Variants in PAK4 observed in about 807,000 individuals in gnomAD.
PAK4 encodes serine/threonine-protein kinase PAK 4.
Under a neutral mutation model 53.5 loss-of-function variants are expected in PAK4, and 49 were observed. The ratio of observed to expected loss-of-function variants is 0.92; its 90% CI spans 0.73 to 1.16. PAK4 has a LOEUF of 1.16. Ranked by LOEUF, PAK4 falls within the 50% of genes most tolerant of loss-of-function variation. PAK4 has a pLI of 0.00. For missense variants in PAK4, 824 were observed against 850.7 expected (o/e 0.97, Z 0.39); for synonymous variants, 376 against 375.6 (o/e 1.00, Z -0.01).
chr19:39,149,341 A>G (rs1458602518), intron 1 of PAK4, among the ~76,000 whole-genome samples: 5 of 152,262 alleles, frequency 3.3e-5, no homozygotes, highest in South Asian at 2.1e-4. Flanking sequence ...GTAGAAAGCT[A>G]TCATGTGGAT....
At position 39,173,665 on chromosome 19, in the gene PAK4, C is replaced by A; in HGVS notation, c.753C>A (p.Thr251=). 1 of 1,587,734 alleles carries A rather than the reference C, an allele frequency of 6.3e-7. No individual in the cohort carries two copies. Among genetic ancestry groups the A allele is most frequent in the Non-Finnish European group, 8.6e-7 (1 of 1,165,184 alleles). ...CCTCCTCCTCCTCCCGGCCTCCCAC[C>A]CGAGCCCGAGGTGCCCCCAGCCCTG... Residue 251 remains threonine (T), a synonymous_variant, in exon 4 of 9, where the codon ACC becomes ACA. Coordinates refer to ENST00000358301, the Ensembl canonical transcript of PAK4. The surrounding 1 kb of genome is among the most constrained non-coding windows in gnomAD (Gnocchi z 6.9).
At chr19:39,128,722 CT>C (rs1461300286) in intron 1 of PAK4, among the ~76,000 whole-genome samples, 2 of 152,206 alleles carry the variant, frequency 1.3e-5, no homozygotes, top group African/African-American at 2.4e-5. Context: ...CTCACCCCCC[CT>C]CCTCCCTCCC....
chr19:39,130,983 G>T (rs115399074), intron 1 of PAK4, among the ~76,000 whole-genome samples: 1 of 151,860 alleles, frequency 6.6e-6, no homozygotes, highest in Non-Finnish European at 1.5e-5. Flanking sequence ...GAGCGTCCTC[G>T]TGCCAGCTGA....
chr19:39,141,640 G>T (rs1456465151), intron 1 of PAK4, among the ~76,000 whole-genome samples: 2 of 145,760 alleles, frequency 1.4e-5, no homozygotes, highest in African/African-American at 5.1e-5. Flanking sequence ...TTTGTTTTTT[G>T]TTGTTGTTGT....
At chr19:39,151,018 G>T (rs957868765) in intron 1 of PAK4, among the ~76,000 whole-genome samples, 1 of 151,978 alleles carries the variant, frequency 6.6e-6, no homozygotes, top group Non-Finnish European at 1.5e-5. Flanking sequence ...CATGAACGTG[G>T]GAAGGAGGCT....
chr19:39,137,627 T>C (rs1358171695), intron 1 of PAK4, among the ~76,000 whole-genome samples: 1 of 152,098 alleles, frequency 6.6e-6, no homozygotes, highest in African/African-American at 2.4e-5. Flanking sequence ...CAATTTGTTC[T>C]TCCAGACTCC....
Position 39,175,160 on chromosome 19 carries a change from G to A in PAK4, c.1232+96G>A, listed in dbSNP as rs952230053. ...CATCTCCAAACCAGCTGTGCTCCGG[G>A]CCCCTGGGATGGGGTCGTGTCTTCC... On this transcript the variant is annotated intron_variant, in intron 5 of 8. Coordinates refer to ENST00000358301, the Ensembl canonical transcript of PAK4. This position sits in a 1 kb window ranked among gnomAD's most constrained non-coding sequence, Gnocchi z 4.7. 16 of 1,516,050 alleles carry A rather than the reference G, an allele frequency of 1.1e-5. No homozygotes were observed. The highest frequency in any genetic ancestry group is 2.7e-5 in the African/African-American group (2 of 72,862). 93.9% of individuals were successfully genotyped at this position (1,516,050 alleles called of 1,614,324 possible). A position where few individuals can be genotyped will look rare whatever the true frequency, so the allele number is the denominator to read the frequency against.
intron 4 of PAK4, among the ~76,000 whole-genome samples, chr19:39,174,714 G>A (rs1461930217): frequency 6.6e-6 from 1 of 152,148 alleles, no homozygotes; most frequent in Non-Finnish European, 1.5e-5. Flanking sequence ...TGAGATGGGC[G>A]TGTGCCCAGG....
chr19:39,156,123 G>C (rs2074175813), intron 1 of PAK4, among the ~76,000 whole-genome samples: 1 of 152,202 alleles, frequency 6.6e-6, no homozygotes, highest in Non-Finnish European at 1.5e-5. Context: ...CCCCCGGTCA[G>C]GCTAAGTCTC....
At chr19:39,176,543 C>T in intron 6 of PAK4, 47 bp from the exon 8 acceptor site, 1 of 1,612,558 alleles carries the variant, frequency 6.2e-7, no homozygotes, top group Middle Eastern at 1.7e-4. Flanking sequence ...TGCTCGCCCT[C>T]CTGCTGTGCC....
In PAK4 at chr19:39,173,178, G is replaced by T; in HGVS notation, c.465G>T (p.Gly155=). 1 of 1,541,840 alleles carries T rather than the reference G, an allele frequency of 6.5e-7. No individual in the cohort carries two copies. The highest frequency in any genetic ancestry group is 1.2e-5 in the South Asian group (1 of 83,362). Residue 155 remains glycine (G), a synonymous_variant, in exon 3 of 9, where the codon GGG becomes GGT. Coordinates refer to ENST00000358301, the Ensembl canonical transcript of PAK4. The surrounding 1 kb of genome is among the most constrained non-coding windows in gnomAD (Gnocchi z 6.9). ...GCAGTGGTGACAGGCGACGGGCGGG[G>T]CCAGAGAAGAGGCCCAAGTCTTCCA...
At chr19:39,131,539 C>G (rs1600300585) in intron 1 of PAK4, among the ~76,000 whole-genome samples, 1 of 152,182 alleles carries the variant, frequency 6.6e-6, no homozygotes, top group African/African-American at 2.4e-5. Context: ...CGCCTAGTCA[C>G]CCATCCGGGG....
chr19:39,158,997 C>T (rs1333761351), intron 1 of PAK4, among the ~76,000 whole-genome samples: 1 of 152,196 alleles, frequency 6.6e-6, no homozygotes, highest in Non-Finnish European at 1.5e-5. Flanking sequence ...AGTGAGGCCC[C>T]ACTCGGCACC....
Position 39,173,272 on chromosome 19 carries a change from A to AC in PAK4, c.565dup (p.Gln189ProfsTer18), listed in dbSNP as rs1217359611. The AC allele has an allele frequency of 1.2e-6, 2 of 1,600,576 alleles. No homozygotes were observed. The highest frequency in any genetic ancestry group is 2.3e-5 in the South Asian group (2 of 88,842). On this transcript the variant is annotated frameshift_variant, in exon 3 of 9. Coordinates refer to ENST00000358301, the Ensembl canonical transcript of PAK4. LOFTEE classifies it high-confidence loss of function. The surrounding 1 kb of genome is among the most constrained non-coding windows in gnomAD (Gnocchi z 6.9). ...CCCCCTCTCCGGGCCTGATGTCGGC[A>AC]CCCCCCAGCCTGCTGGTCTGGCCAG...
At chr19:39,142,191 G>A (rs914897252) in intron 1 of PAK4, among the ~76,000 whole-genome samples, 2 of 152,104 alleles carry the variant, frequency 1.3e-5, no homozygotes, top group Admixed American at 6.5e-5. Flanking sequence ...TTCTACAGGC[G>A]ACCTAGGCCA....
intron 2 of PAK4, among the ~76,000 whole-genome samples, chr19:39,171,706 C>T (rs189694844): frequency 1.8e-4 from 27 of 152,318 alleles, no homozygotes; most frequent in Admixed American, 9.1e-4. Flanking sequence ...AGGCAGGGTC[C>T]GGGTTTCGTG....
At chr19:39,127,092 A>G (rs541763456) in intron 1 of PAK4, among the ~76,000 whole-genome samples, 11 of 152,138 alleles carry the variant, frequency 7.2e-5, no homozygotes, top group South Asian at 2.1e-4. Flanking sequence ...CTGTGAGCCT[A>G]TGGGAGTAGG....
intron 1 of PAK4, among the ~76,000 whole-genome samples, chr19:39,141,150 A>G (rs547673502): frequency 6.6e-6 from 1 of 152,272 alleles, no homozygotes; most frequent in East Asian, 1.9e-4. Flanking sequence ...GGTCCCTGTC[A>G]GCAGCTCAGC....
At chr19:39,165,814 G>T (rs2074366322) in intron 1 of PAK4, among the ~76,000 whole-genome samples, 1 of 152,232 alleles carries the variant, frequency 6.6e-6, no homozygotes, top group African/African-American at 2.4e-5. Flanking sequence ...ACGCACAGCA[G>T]GGCCGGAACC....
Sources: gnomAD v4.1 joint callset for allele counts (sites outside exome capture counted in the v4.1 genomes callset) on GRCh38, gnomAD v4.1.1 for gene constraint, Gnocchi (gnomAD v3.1) non-coding constraint, MANE v1.5 for transcripts, NCBI Gene and HGNC (gene_info 2026-07-23, HGNC 2026-07-21) for gene names.